The following ST6GAL1 variants were observed in gnomAD, a reference collection of about 807,000 sequenced individuals.
The protein encoded by ST6GAL1 is ST6 beta-galactoside alpha-2,6-sialyltransferase 1.
ST6GAL1 carries 20 observed loss-of-function variants against 38.0 expected under a neutral mutation model. That is an observed-to-expected ratio of 0.53 (90% CI 0.37 to 0.77). ST6GAL1 has a LOEUF of 0.77. ST6GAL1 is among the 30% of genes least tolerant of loss of function. The pLI is 0.00. For missense variants in ST6GAL1, 432 were observed against 496.4 expected (o/e 0.87, Z 1.23); for synonymous variants, 196 against 188.2 (o/e 1.04, Z -0.34).
chr3:186,981,494 C>T (rs936937726), intron 2 of ST6GAL1, among the ~76,000 whole-genome samples: 23 of 152,128 alleles, frequency 1.5e-4, no homozygotes, highest in Non-Finnish European at 2.2e-4. Context: ...TGCCTTGTAC[C>T]GTGGGTAACC....
At chr3:186,985,573 G>A (rs1715886691) in intron 2 of ST6GAL1, among the ~76,000 whole-genome samples, 1 of 150,386 alleles carries the variant, frequency 6.6e-6, no homozygotes, top group African/African-American at 2.5e-5. Context: ...AGATTAGCCT[G>A]GGAAACATGG....
intron 2 of ST6GAL1, among the ~76,000 whole-genome samples, chr3:186,995,865 A>G (rs892393455): frequency 3.9e-5 from 6 of 152,194 alleles, no homozygotes; most frequent in African/African-American, 1.4e-4. Context: ...AAGATTGTTT[A>G]ATAAATGCTT....
chr3:186,930,991 G>C (rs974687245), intron 1 of ST6GAL1, 157 bp downstream of exon 1: 1 of 152,776 alleles, frequency 6.5e-6, no homozygotes, highest in African/African-American at 2.4e-5. Flanking sequence ...CCTTGGCTCC[G>C]GGGCTGGCCG....
intron 1 of ST6GAL1, among the ~76,000 whole-genome samples, chr3:186,958,730 T>C (rs1345284496): frequency 6.6e-6 from 1 of 152,126 alleles, no homozygotes; most frequent in East Asian, 1.9e-4. Flanking sequence ...GGCTGGTGGA[T>C]CACTTGAGGT....
At chr3:187,047,506 G>A (rs1013182428) in intron 4 of ST6GAL1, among the ~76,000 whole-genome samples, 8 of 152,072 alleles carry the variant, frequency 5.3e-5, no homozygotes, top group East Asian at 1.9e-4. Flanking sequence ...TTTTCTAAGC[G>A]TGTGATTGTA....
At chr3:186,961,265 T>G (rs907378251) in intron 1 of ST6GAL1, among the ~76,000 whole-genome samples, 5 of 152,276 alleles carry the variant, frequency 3.3e-5, no homozygotes, top group African/African-American at 1.2e-4. Flanking sequence ...CATGAGCCAC[T>G]GCGCCCGGCC....
rs530312737 is a variant in ST6GAL1, at chr3:186,987,235, GAAGAAAGGA to G, written c.-183+23320_-183+23328del. On this transcript the variant is annotated intron_variant, in intron 2 of 7. Transcript: ENST00000169298. ...AAAGGAAAGAAAGCAAGGAAGGAAGGAAGAAAGGAAAGAAAGGAAGAAAGAAAGAAGAAA... is the reference window on the plus strand; with the variant it reads ...AAAGGAAAGAAAGCAAGGAAGGAAGGAAGAAAGGAAGAAAGAAAGAAGAAA... Among the ~76,000 whole-genome samples the G allele has an allele frequency of 5.0e-4, 76 of 151,706 alleles. No individual in the cohort carries two copies. In the South Asian group the frequency reaches 7.9e-3, roughly 16 times the overall value.
In ST6GAL1 at chr3:187,077,274, C is replaced by A; in HGVS notation, c.*1471C>A. On this transcript the variant is annotated 3_prime_UTR_variant, in exon 8 of 8. Coordinates refer to ENST00000169298, the MANE Select transcript of ST6GAL1 (RefSeq NM_173216.2). ...TGCTCTCCAGATGGTTTTACTAAGTCCCCTCTCCCTGATAGGGAATCCTGC... is the reference window on the plus strand; with the variant it reads ...TGCTCTCCAGATGGTTTTACTAAGTACCCTCTCCCTGATAGGGAATCCTGC... 3.5e-6 allele frequency: 1 copy of A among 284,136 alleles called. No individual in the cohort carries two copies. The highest frequency in any genetic ancestry group is 6.4e-6 in the Non-Finnish European group (1 of 155,232). The allele number at this position is 284,136 out of a possible 1,614,324, so 17.6% of individuals were successfully genotyped here.
intron 1 of ST6GAL1, among the ~76,000 whole-genome samples, chr3:186,935,280 T>TGCTCCTGC (rs1466826114): frequency 2.0e-5 from 3 of 152,204 alleles, no homozygotes; most frequent in Admixed American, 2.0e-4. Context: ...GCTCCTGCAT[T>TGCTCCTGC]AGTTTGCTAA....
intron 2 of ST6GAL1, among the ~76,000 whole-genome samples, chr3:186,984,041 C>T (rs1425704201): frequency 1.3e-5 from 2 of 152,178 alleles, no homozygotes; most frequent in African/African-American, 4.8e-5. Context: ...ATTTCCTCTG[C>T]CCCCAGGTCT....
intron 5 of ST6GAL1, among the ~76,000 whole-genome samples, chr3:187,071,750 T>G (rs1417361959): frequency 7.5e-6 from 1 of 133,056 alleles, no homozygotes; most frequent in African/African-American, 2.9e-5. Context: ...ACACAGGCTG[T>G]GTCGCCTTTT....
rs546318932 is a variant in ST6GAL1 at position 187,062,800 on chromosome 3, AATGTT to A, written c.706-10041_706-10037del. On this transcript the variant is annotated intron_variant, in intron 5 of 7. Coordinates refer to ENST00000169298, the MANE Select transcript of ST6GAL1 (RefSeq NM_173216.2). ...ACACTTAAAAATGGTTAAGATAGTC[AATGTT>A]ATGTTATATGTATTTTAATACAATT... Among the ~76,000 whole-genome samples the A allele has an allele frequency of 4.7e-3, 715 of 151,982 alleles. 6 individuals are homozygous for A. Among genetic ancestry groups the A allele is most frequent in the Non-Finnish European group, 6.1e-3 (412 of 68,026 alleles).
chr3:187,025,836 A>G (rs918211437), intron 2 of ST6GAL1, among the ~76,000 whole-genome samples: 3 of 152,164 alleles, frequency 2.0e-5, no homozygotes, highest in Non-Finnish European at 4.4e-5. Flanking sequence ...ACACCCCCCA[A>G]CAAAGTTCTG....
intron 2 of ST6GAL1, among the ~76,000 whole-genome samples, chr3:187,025,232 T>G (rs1717492191): frequency 6.6e-6 from 1 of 152,254 alleles, no homozygotes; most frequent in African/African-American, 2.4e-5. Flanking sequence ...AGGAAACTGA[T>G]ACAAAGTCTG....
intron 2 of ST6GAL1, among the ~76,000 whole-genome samples, chr3:187,007,778 C>T (rs1240283644): frequency 6.6e-6 from 1 of 152,162 alleles, no homozygotes; most frequent in Non-Finnish European, 1.5e-5. Context: ...GACCATTCTC[C>T]ACTCTTGAAA....
intron 5 of ST6GAL1, among the ~76,000 whole-genome samples, chr3:187,063,231 C>T (rs139581630): frequency 1.1e-4 from 17 of 152,100 alleles, no homozygotes; most frequent in Non-Finnish European, 1.9e-4. Context: ...GGAGCCAAAG[C>T]GTAGTGGAGG....
intron 2 of ST6GAL1, among the ~76,000 whole-genome samples, chr3:186,997,019 C>A (rs1716434484): frequency 6.6e-6 from 1 of 151,846 alleles, no homozygotes; most frequent in South Asian, 2.1e-4. Context: ...GTACACTGTG[C>A]TTTGGCTGTG....
chr3:186,931,912 T>C (rs1423094654), intron 1 of ST6GAL1, among the ~76,000 whole-genome samples: 1 of 152,272 alleles, frequency 6.6e-6, no homozygotes, highest in Non-Finnish European at 1.5e-5. Context: ...TTTGTTTTGC[T>C]TTTTCTTTGC....
At chr3:187,008,393 G>GAAGA (rs1457007447) in intron 2 of ST6GAL1, among the ~76,000 whole-genome samples, 5 of 144,016 alleles carry the variant, frequency 3.5e-5, no homozygotes, top group African/African-American at 7.5e-5. Flanking sequence ...AGGAAGGAAG[G>GAAGA]AAGAAACCTA....
Sources: gnomAD v4.1 joint callset for allele counts (sites outside exome capture counted in the v4.1 genomes callset) on GRCh38, gnomAD v4.1.1 for gene constraint, MANE v1.5 for transcripts, NCBI Gene and HGNC (gene_info 2026-07-23, HGNC 2026-07-21) for gene names.